Variants in ANKRD52 observed in about 807,000 individuals in gnomAD.
The protein encoded by ANKRD52 is ankyrin repeat domain 52.
A neutral mutation model predicts 116.0 loss-of-function variants in ANKRD52; 7 were observed. The observed-to-expected ratio is 0.06, with a 90% CI of 0.03 to 0.11. ANKRD52 has a LOEUF of 0.11. Among genes scored for constraint, ANKRD52 ranks in the 10% least tolerant of loss-of-function variants. The pLI, the probability that ANKRD52 is intolerant of heterozygous loss-of-function variation, is 1.00. For missense variants in ANKRD52, 839 were observed against 1,408.6 expected, an observed-to-expected ratio of 0.60 and a Z score of 6.47; for synonymous variants, 528 against 578.1, an observed-to-expected ratio of 0.91 and a Z score of 1.24.
chr12:56,252,051 T>C lies in ANKRD52; in HGVS notation c.1556A>G (p.Glu519Gly). The change falls in exon 15 of 28, where the codon GAG (glutamate) becomes GGG (glycine). Residue 519 changes from glutamate to glycine, a missense_variant. This residue lies in a region of ANKRD52 where 552 missense variants were observed against 810.6 expected (regional missense o/e 0.68). Coordinates refer to ENST00000267116, the MANE Select transcript of ANKRD52 (RefSeq NM_173595.4). This position sits in a 1 kb window ranked among gnomAD's most constrained non-coding sequence, Gnocchi z 4.7. ...TPSSHDAEED[E>G]PLKESRRKEA... ...CTTCCTGCGGGACTCCTTCAGTGGCTCGTCCTCTTCGGCATCATGGCTGGA... is the reference window on the plus strand; with the variant it reads ...CTTCCTGCGGGACTCCTTCAGTGGCCCGTCCTCTTCGGCATCATGGCTGGA... 7 of 1,613,950 alleles carry C rather than the reference T, an allele frequency of 4.3e-6. No homozygotes were observed. The highest frequency in any genetic ancestry group is 5.9e-6 in the Non-Finnish European group (7 of 1,179,874).
chr12:56,249,775 C>T (rs563356338), intron 15 of ANKRD52, among the ~76,000 whole-genome samples: 2 of 151,996 alleles, frequency 1.3e-5, no homozygotes, highest in African/African-American at 4.8e-5. Flanking sequence ...CGTGGTGGCT[C>T]ACGCCTGCAA....
Position 56,244,187 on chromosome 12 carries a change from G to A in ANKRD52, c.2806-54C>T. 8 of 1,594,984 alleles carry A rather than the reference G, an allele frequency of 5.0e-6. No homozygotes were observed. Among genetic ancestry groups the A allele is most frequent in the Admixed American group, 1.7e-5 (1 of 59,930 alleles). On this transcript the variant is annotated intron_variant, in intron 25 of 27. Coordinates refer to ENST00000267116, the MANE Select transcript of ANKRD52 (RefSeq NM_173595.4). This position sits in a 1 kb window ranked among gnomAD's most constrained non-coding sequence, Gnocchi z 4.9. The stretch of plus-strand genomic sequence containing the variant: ...TTGTGAAGTAGAAATGTGGCAGGGT[G>A]CAGGGCAGGAGTTGGGGAGAGTAAC...
In ANKRD52 at chr12:56,252,770, G is replaced by C; in HGVS notation, c.1301+10C>G. The C allele has an allele frequency of 1.9e-6, 3 of 1,612,216 alleles. No homozygotes were observed. Among genetic ancestry groups the C allele is most frequent in the Non-Finnish European group, 1.7e-6 (2 of 1,178,856 alleles). ...CTGCTCAAAGCATGGGAGAGAGAAA[G>C]AGAACTCACCCTCCGGAAGCAGCAG... On this transcript the variant is annotated intron_variant, in intron 12 of 27. Coordinates refer to ENST00000267116, the MANE Select transcript of ANKRD52 (RefSeq NM_173595.4). This position sits in a 1 kb window ranked among gnomAD's most constrained non-coding sequence, Gnocchi z 4.7.
chr12:56,252,037 A>T lies in ANKRD52; in HGVS notation c.1570T>A (p.Ser524Thr). ...DAEEDEPLKE[S>T]RRKEAFFCLE... ...CACAAGAAGGCCTCCTTCCTGCGGG[A>T]CTCCTTCAGTGGCTCGTCCTCTTCG... The change falls in exon 15 of 28, where the codon TCC becomes ACC. Residue 524 changes from serine (S) to threonine (T), a missense_variant. Around this residue, in one of 2 missense-constraint regions of ANKRD52, gnomAD observed 552 missense variants for 810.6 expected, o/e 0.68. Coordinates refer to ENST00000267116, the MANE Select transcript of ANKRD52 (RefSeq NM_173595.4). The surrounding 1 kb of genome is among the most constrained non-coding windows in gnomAD (Gnocchi z 4.7). 1.2e-6 allele frequency: 2 copies of T among 1,613,168 alleles called. No individual in the cohort carries two copies. The highest frequency in any genetic ancestry group is 1.7e-6 in the Non-Finnish European group (2 of 1,179,722).
In ANKRD52 at chr12:56,245,503, G is replaced by A. The variant is rs1871353373; in HGVS notation, c.2278C>T (p.Leu760=). Residue 760 remains leucine, a synonymous_variant, in exon 21 of 28, where the codon CTG becomes TTG. Coordinates refer to ENST00000267116, the MANE Select transcript of ANKRD52 (RefSeq NM_173595.4). ...RDFKGRTPIH[L]ASACGHTAVL... Reference sequence around the variant, plus strand: ...GCAGTGTGGCCACAGGCTGAGGCCAGGTGAATGGGCGTGCGGCCCTTAAAG... The same window carrying A: ...GCAGTGTGGCCACAGGCTGAGGCCAAGTGAATGGGCGTGCGGCCCTTAAAG... 1 of 1,611,708 alleles carries A rather than the reference G, an allele frequency of 6.2e-7. No individual in the cohort carries two copies. Among genetic ancestry groups the A allele is most frequent in the African/African-American group, 1.3e-5 (1 of 74,912 alleles).
rs1239240204 is a variant in ANKRD52, at chr12:56,243,266, T to A, written c.3107A>T (p.Lys1036Met). 6.2e-7 allele frequency: 1 copy of A among 1,614,006 alleles called. No individual in the cohort carries two copies. Among genetic ancestry groups the A allele is most frequent in the South Asian group, 1.1e-5 (1 of 91,090 alleles). ...CTTGGCGGCTGCAATGCTGCAGTTC[T>A]TGAGCAGGCTGAAGCTGAAAGGACT... ...AVSPFSFSLL[K>M]NCSIAAAKTV... The change falls in exon 28 of 28, where the codon AAG (lysine) becomes ATG (methionine). Residue 1036 changes from lysine to methionine, a missense_variant. Coordinates refer to ENST00000267116, the MANE Select transcript of ANKRD52 (RefSeq NM_173595.4). This position sits in a 1 kb window ranked among gnomAD's most constrained non-coding sequence, Gnocchi z 4.6.
At position 56,252,052 on chromosome 12, in the gene ANKRD52, C is replaced by T. The variant is rs772706897; in HGVS notation, c.1555G>A (p.Glu519Lys). Reference protein sequence around the residue: ...TPSSHDAEEDEPLKESRRKEA... With the variant: ...TPSSHDAEEDKPLKESRRKEA... ...TTCCTGCGGGACTCCTTCAGTGGCTCGTCCTCTTCGGCATCATGGCTGGAA... is the reference window on the plus strand; with the variant it reads ...TTCCTGCGGGACTCCTTCAGTGGCTTGTCCTCTTCGGCATCATGGCTGGAA... Residue 519 changes from glutamate to lysine, a missense_variant, in exon 15 of 28, where the codon GAG becomes AAG. Physicochemically the swap from Glu to Lys is moderately conservative, Grantham distance 56 (BLOSUM62 1). This residue lies in a region of ANKRD52 where 552 missense variants were observed against 810.6 expected (regional missense o/e 0.68). Coordinates refer to ENST00000267116, the MANE Select transcript of ANKRD52 (RefSeq NM_173595.4). The surrounding 1 kb of genome is among the most constrained non-coding windows in gnomAD (Gnocchi z 4.7). 12 of 1,613,830 alleles carry T rather than the reference C, an allele frequency of 7.4e-6. No individual in the cohort carries two copies. The highest frequency in any genetic ancestry group is 1.3e-5 in the African/African-American group (1 of 74,920).
intron 1 of ANKRD52, 96 bp downstream of exon 1, chr12:56,258,147 G>T: frequency 1.3e-6 from 2 of 1,536,372 alleles, no homozygotes; most frequent in South Asian, 2.4e-5. Context: ...CGGGAGCCCC[G>T]GGCTCAGGCC....
chr12:56,257,800 C>T (rs369504357), intron 2 of ANKRD52, 28 bp downstream of exon 2: 3 of 1,607,568 alleles, frequency 1.9e-6, no homozygotes, highest in African/African-American at 1.3e-5. Context: ...GGATTCCGGT[C>T]TCGCCATCCT....
chr12:56,244,184 G>A lies in ANKRD52; in HGVS notation c.2806-51C>T, dbSNP rs1871289963. 3 of 1,598,958 alleles carry A rather than the reference G, an allele frequency of 1.9e-6. No homozygotes were observed. Among genetic ancestry groups the A allele is most frequent in the Non-Finnish European group, 2.6e-6 (3 of 1,166,572 alleles). ...GACTTGTGAAGTAGAAATGTGGCAG[G>A]GTGCAGGGCAGGAGTTGGGGAGAGT... On this transcript the variant is annotated intron_variant, in intron 25 of 27. Coordinates refer to ENST00000267116, the MANE Select transcript of ANKRD52 (RefSeq NM_173595.4). The surrounding 1 kb of genome is among the most constrained non-coding windows in gnomAD (Gnocchi z 4.9).
At chr12:56,247,821 G>A in intron 18 of ANKRD52, 47 bp from the exon 19 acceptor site, 1 of 1,575,486 alleles carries the variant, frequency 6.3e-7, no homozygotes, top group Non-Finnish European at 8.6e-7. Context: ...GAGGAAGAAG[G>A]GAGGCAAGGT....
Position 56,253,914 on chromosome 12 carries a change from CCTT to C in ANKRD52, c.907-117_907-115del, listed in dbSNP as rs1871819413. On this transcript the variant is annotated intron_variant, in intron 8 of 27. Coordinates refer to ENST00000267116, the MANE Select transcript of ANKRD52 (RefSeq NM_173595.4). This position sits in a 1 kb window ranked among gnomAD's most constrained non-coding sequence, Gnocchi z 5.5. ...CTAAGGACAAAAGGGTCATATGGCA[CCTT>C]CTTAGCCCACTCTTTCCTGAGTCCC... 8 of 1,338,090 alleles carry C rather than the reference CCTT, an allele frequency of 6.0e-6. No homozygotes were observed. Among genetic ancestry groups the C allele is most frequent in the Non-Finnish European group, 8.4e-6 (8 of 955,568 alleles). 82.9% of individuals were successfully genotyped at this position (1,338,090 alleles called of 1,614,324 possible). A position where few individuals can be genotyped will look rare whatever the true frequency, so the allele number is the denominator to read the frequency against.
At position 56,242,798 on chromosome 12, in the gene ANKRD52, G is replaced by A. The variant is rs982027051; in HGVS notation, c.*344C>T. ...CAGGGGAGAAGGGGGACACAGAGAGGAGTCCCCAGGGAAGAGTCGGGGGAG... is the reference window on the plus strand; with the variant it reads ...CAGGGGAGAAGGGGGACACAGAGAGAAGTCCCCAGGGAAGAGTCGGGGGAG... On this transcript the variant is annotated 3_prime_UTR_variant, in exon 28 of 28. Coordinates refer to ENST00000267116, the MANE Select transcript of ANKRD52 (RefSeq NM_173595.4). This position sits in a 1 kb window ranked among gnomAD's most constrained non-coding sequence, Gnocchi z 4.3. 1.5e-4 allele frequency: 42 copies of A among 281,734 alleles called. No individual in the cohort carries two copies. Among genetic ancestry groups the A allele is most frequent in the African/African-American group, 7.8e-4 (36 of 46,388 alleles). The allele number at this position is 281,734 out of a possible 1,614,324, so 17.5% of individuals were successfully genotyped here. A position where few individuals can be genotyped will look rare whatever the true frequency, so the allele number is the denominator to read the frequency against.
Position 56,254,792 on chromosome 12 carries a change from G to C in ANKRD52, c.551-72C>G, listed in dbSNP as rs996902642. 6 of 1,599,626 alleles carry C rather than the reference G, an allele frequency of 3.8e-6. No individual in the cohort carries two copies. Among genetic ancestry groups the C allele is most frequent in the Middle Eastern group, 1.7e-4 (1 of 6,022 alleles). On this transcript the variant is annotated intron_variant, in intron 6 of 27. Coordinates refer to ENST00000267116, the MANE Select transcript of ANKRD52 (RefSeq NM_173595.4). The surrounding 1 kb of genome is among the most constrained non-coding windows in gnomAD (Gnocchi z 4.6). The stretch of plus-strand genomic sequence containing the variant: ...AGACCCTACACTCCTCTCTTCAAAG[G>C]CTGCAACCCCACATCCCTGCCCTAG...
chr12:56,241,922 G>A lies in ANKRD52; in HGVS notation c.*1220C>T. 3 of 398,510 alleles carry A rather than the reference G, an allele frequency of 7.5e-6. No individual in the cohort carries two copies. In the South Asian group the frequency reaches 3.9e-4, roughly 51 times the overall value. The allele number at this position is 398,510 out of a possible 1,614,324, so 24.7% of individuals were successfully genotyped here. ...ATCTTTCCTCCCTGCTGGGAAGGCA[G>A]GGACCAAGCCCCAGTACCTATTCAT... is the stretch of plus-strand genomic sequence containing the variant. On this transcript the variant is annotated 3_prime_UTR_variant, in exon 28 of 28. Transcript: ENST00000267116.
In ANKRD52 at chr12:56,253,949, G is replaced by T; in HGVS notation, c.906+118C>A. 7.4e-7 allele frequency: 1 copy of T among 1,343,816 alleles called. No homozygotes were observed. 83.2% of individuals were successfully genotyped at this position (1,343,816 alleles called of 1,614,324 possible). A position where few individuals can be genotyped will look rare whatever the true frequency, so the allele number is the denominator to read the frequency against. ...CCACTCTTTCCTGAGTCCCTGGCAAGGTCTGATTACCCTAGGAAGCAAGTG... is the reference window on the plus strand; with the variant it reads ...CCACTCTTTCCTGAGTCCCTGGCAATGTCTGATTACCCTAGGAAGCAAGTG... On this transcript the variant is annotated intron_variant, in intron 8 of 27. Coordinates refer to ENST00000267116, the MANE Select transcript of ANKRD52 (RefSeq NM_173595.4). The surrounding 1 kb of genome is among the most constrained non-coding windows in gnomAD (Gnocchi z 5.5).
rs1871138830 is a variant in ANKRD52, at chr12:56,240,873, G to A, written c.*2269C>T. ...GACAACGGGGCTCTGACACTCAGAC[G>A]CTTCCCGCCATCACCAAACATCACG... On this transcript the variant is annotated 3_prime_UTR_variant, in exon 28 of 28. Coordinates refer to ENST00000267116, the MANE Select transcript of ANKRD52 (RefSeq NM_173595.4). The surrounding 1 kb of genome is among the most constrained non-coding windows in gnomAD (Gnocchi z 4.2). 2 of 152,182 alleles carry A rather than the reference G, an allele frequency of 1.3e-5. No individual in the cohort carries two copies. Among genetic ancestry groups the A allele is most frequent in the Non-Finnish European group, 1.5e-5 (1 of 68,060 alleles). The allele number at this position is 152,182 out of a possible 1,614,324, so 9.4% of individuals were successfully genotyped here. A position where few individuals can be genotyped will look rare whatever the true frequency, so the allele number is the denominator to read the frequency against.
intron 15 of ANKRD52, 112 bp downstream of exon 15, chr12:56,251,903 G>A (rs573806949): frequency 2.3e-5 from 28 of 1,194,858 alleles, no homozygotes; most frequent in African/African-American, 3.1e-5. Flanking sequence ...CTGGCTGACC[G>A]GCAGGACAGC....
intron 20 of ANKRD52, among the ~76,000 whole-genome samples, chr12:56,247,206 C>T (rs1871450898): frequency 6.6e-6 from 1 of 151,350 alleles, no homozygotes; most frequent in Non-Finnish European, 1.5e-5. Context: ...ATTAGCTGGG[C>T]ATGATGGCAT....
Sources: allele counts gnomAD v4.1 joint callset (sites outside exome capture counted in the v4.1 genomes callset), GRCh38; gene constraint gnomAD v4.1.1; regional missense constraint gnomAD v4.1.1; non-coding constraint Gnocchi (gnomAD v3.1); transcripts MANE v1.5; gene names NCBI Gene and HGNC (gene_info 2026-07-23, HGNC 2026-07-21).